PIBF1: variants seen among roughly 807,000 people sequenced by gnomAD.
PIBF1 encodes progesterone-induced-blocking factor 1.
Under a neutral mutation model 112.5 loss-of-function variants are expected in PIBF1, and 90 were observed. The ratio of observed to expected loss-of-function variants is 0.80; its 90% CI spans 0.67 to 0.95. PIBF1 has a LOEUF of 0.95. Ranked by LOEUF, PIBF1 falls within the 40% of genes least tolerant of loss-of-function variation. The probability of loss-of-function intolerance (pLI) is 0.00; values close to 1 mark genes in which losing one functional copy is unlikely to be tolerated. For synonymous variants in PIBF1, 301 were observed against 288.6 expected, an observed-to-expected ratio of 1.04 and a Z score of -0.44; for missense variants, 915 against 852.3, an observed-to-expected ratio of 1.07 and a Z score of -0.92.
rs558608281 is a variant in PIBF1, at chr13:72,826,085, A to G, written c.807-925A>G. Among the ~76,000 whole-genome samples, 5 of 151,802 alleles carry G rather than the reference A, an allele frequency of 3.3e-5. No homozygotes were observed. In the South Asian group the frequency reaches 8.3e-4, roughly 25 times the overall value. On this transcript the variant is annotated intron_variant, in intron 6 of 17. Transcript: ENST00000326291. ...AAAAAAAGATTTTTTAAAAAATTGC[A>G]TGTGAAAGCACAAAATAAAATTTAA...
At chr13:72,879,909 A>G (rs1416361263) in intron 10 of PIBF1, among the ~76,000 whole-genome samples, 2 of 152,266 alleles carry the variant, frequency 1.3e-5, no homozygotes, top group Non-Finnish European at 2.9e-5. Flanking sequence ...CATATTGTCT[A>G]TGGCTGCTTT....
At chr13:72,987,633 C>A (rs1489514084) in intron 16 of PIBF1, among the ~76,000 whole-genome samples, 1 of 149,434 alleles carries the variant, frequency 6.7e-6, no homozygotes, top group African/African-American at 2.4e-5. Flanking sequence ...TTTCTTGAGC[C>A]TTCTTTTTAT....
At position 72,984,541 on chromosome 13, in the gene PIBF1, C is replaced by A. The variant is rs2043228477; in HGVS notation, c.2049+10866C>A. On this transcript the variant is annotated intron_variant, in intron 16 of 17. Coordinates refer to ENST00000326291, the MANE Select transcript of PIBF1 (RefSeq NM_006346.4). Reference sequence around the variant, plus strand: ...ATTCATTTATTTTATTTAAGCCTCACAACAGCTCATTCTTACACCCATTTC... The same window carrying A: ...ATTCATTTATTTTATTTAAGCCTCAAAACAGCTCATTCTTACACCCATTTC... 2.0e-5 allele frequency among the ~76,000 whole-genome samples: 3 copies of A among 152,096 alleles called. No homozygotes were observed. The South Asian group carries it at 6.2e-4, about 31-fold the overall frequency.
intron 10 of PIBF1, among the ~76,000 whole-genome samples, chr13:72,881,686 A>G (rs1331128427): frequency 1.6e-4 from 24 of 151,364 alleles, no homozygotes; most frequent in Admixed American, 6.6e-5. Context: ...ATTTCACTCC[A>G]GCGTCAGTGA....
intron 5 of PIBF1, among the ~76,000 whole-genome samples, chr13:72,816,161 T>C (rs1681219264): frequency 6.6e-6 from 1 of 152,174 alleles, no homozygotes; most frequent in Non-Finnish European, 1.5e-5. Context: ...TAGAGTGTTA[T>C]ACTACAATAA....
At chr13:72,878,036 A>G (rs2039481349) in intron 10 of PIBF1, among the ~76,000 whole-genome samples, 1 of 151,918 alleles carries the variant, frequency 6.6e-6, no homozygotes, top group Admixed American at 6.6e-5. Context: ...GGTGTAAGTC[A>G]CCATGCCCGG....
At chr13:72,814,834 A>T (rs1455653827) in intron 5 of PIBF1, among the ~76,000 whole-genome samples, 2 of 152,222 alleles carry the variant, frequency 1.3e-5, no homozygotes, top group African/African-American at 4.8e-5. Flanking sequence ...ACTGACATGA[A>T]GTAAGGGAAA....
intron 14 of PIBF1, among the ~76,000 whole-genome samples, chr13:72,961,799 A>G (rs2042614334): frequency 1.3e-5 from 2 of 152,200 alleles, no homozygotes; most frequent in Admixed American, 6.5e-5. Context: ...GTAGTGACAT[A>G]CAATTACCAT....
intron 13 of PIBF1, among the ~76,000 whole-genome samples, chr13:72,920,086 A>G (rs775655767): frequency 7.9e-5 from 12 of 152,142 alleles, no homozygotes; most frequent in Non-Finnish European, 1.3e-4. Flanking sequence ...GCACATTACT[A>G]TTTTTTTAAG....
At chr13:72,788,498 C>T (rs2034719971) in intron 2 of PIBF1, among the ~76,000 whole-genome samples, 1 of 152,168 alleles carries the variant, frequency 6.6e-6, no homozygotes, top group African/African-American at 2.4e-5. Context: ...TCCTTTTAAC[C>T]TTAGCTATTT....
chr13:72,985,423 C>T (rs1017454868), intron 16 of PIBF1, among the ~76,000 whole-genome samples: 1 of 150,422 alleles, frequency 6.6e-6, no homozygotes, highest in Non-Finnish European at 1.5e-5. Flanking sequence ...CCTTGTAGTC[C>T]CAGCTACTTG....
At chr13:72,905,436 G>A (rs2040670603) in intron 11 of PIBF1, among the ~76,000 whole-genome samples, 1 of 151,816 alleles carries the variant, frequency 6.6e-6, no homozygotes, top group African/African-American at 2.4e-5. Context: ...TTACACTTCT[G>A]GAAATTACTC....
Position 72,783,738 on chromosome 13 carries a change from A to G in PIBF1, c.252+17A>G, listed in dbSNP as rs761156724. On this transcript the variant is annotated intron_variant, in intron 2 of 17. Coordinates refer to ENST00000326291, the MANE Select transcript of PIBF1 (RefSeq NM_006346.4). ...CTTACAAAGGTAAGATCAGGTTTAA[A>G]TTTTGTGTTCTATATGCTTTATTGT... 5.6e-6 allele frequency: 9 copies of G among 1,609,728 alleles called. No individual in the cohort carries two copies. Among genetic ancestry groups the G allele is most frequent in the Non-Finnish European group, 7.6e-6 (9 of 1,176,760 alleles).
At chr13:72,837,287 T>C (rs1346192944) in intron 9 of PIBF1, among the ~76,000 whole-genome samples, 1 of 152,114 alleles carries the variant, frequency 6.6e-6, no homozygotes, top group Non-Finnish European at 1.5e-5. Context: ...ACACTTAGTT[T>C]ATATTTTAAT....
chr13:72,858,736 CAA>C (rs778853531), intron 10 of PIBF1, among the ~76,000 whole-genome samples: 57 of 152,026 alleles, frequency 3.7e-4, no homozygotes, highest in African/African-American at 1.2e-3. Context: ...TAAATTTAAA[CAA>C]AGAGTGGTTA....
chr13:72,850,691 TG>T (rs2038102105), intron 9 of PIBF1, among the ~76,000 whole-genome samples: 1 of 152,220 alleles, frequency 6.6e-6, no homozygotes, highest in African/African-American at 2.4e-5. Context: ...GAAACCAATT[TG>T]TGGTGATTTA....
chr13:72,931,090 G>C, intron 13 of PIBF1, 75 bp from the exon 14 acceptor site: 1 of 809,864 alleles, frequency 1.2e-6, no homozygotes, highest in South Asian at 1.6e-5. Flanking sequence ...CTATTTTCAA[G>C]TACACAAACA....
chr13:72,827,202 AT>A (rs2036853966), intron 7 of PIBF1, 84 bp downstream of exon 7: 101 of 498,632 alleles, frequency 2.0e-4, no homozygotes, highest in East Asian at 2.9e-4. Flanking sequence ...AAGGAGAGAC[AT>A]TTTTTTTGTT....
intron 10 of PIBF1, among the ~76,000 whole-genome samples, chr13:72,858,065 T>G (rs973372612): frequency 4.6e-5 from 6 of 131,398 alleles, no homozygotes; most frequent in African/African-American, 8.4e-5. Context: ...GTGTATGTAT[T>G]ATGTGAGATG....
Sources: allele counts gnomAD v4.1 joint callset (sites outside exome capture counted in the v4.1 genomes callset), GRCh38; gene constraint gnomAD v4.1.1; transcripts MANE v1.5; gene names NCBI Gene and HGNC (gene_info 2026-07-23, HGNC 2026-07-21).